EFCAB6: variants seen among roughly 807,000 people sequenced by gnomAD.
The protein encoded by EFCAB6 is EF-hand calcium binding domain 6, also known as EF-hand calcium-binding domain-containing protein 6.
In EFCAB6, 156 loss-of-function variants were observed where a neutral mutation model predicts 169.8. That is an observed-to-expected ratio of 0.92 (90% confidence interval 0.81 to 1.05). The LOEUF (loss-of-function observed/expected upper bound fraction) is 1.05, where lower values mean the gene tolerates loss of function less well. EFCAB6 is among the 50% of genes least tolerant of loss of function. EFCAB6 has a pLI of 0.00. For synonymous variants in EFCAB6, 698 were observed against 676.4 expected, an observed-to-expected ratio of 1.03 and a Z score of -0.50; for missense variants, 1,800 against 1,829.1, an observed-to-expected ratio of 0.98 and a Z score of 0.29.
intron 27 of EFCAB6, among the ~76,000 whole-genome samples, chr22:43,546,148 G>C (rs2048040095): frequency 6.6e-6 from 1 of 152,080 alleles, no homozygotes. Context: ...AAATCAGCAA[G>C]GAGCAAGATA....
At chr22:43,670,474 T>C (rs902446920) in intron 15 of EFCAB6, among the ~76,000 whole-genome samples, 1 of 152,198 alleles carries the variant, frequency 6.6e-6, no homozygotes, top group African/African-American at 2.4e-5. Context: ...AGAATCCACA[T>C]AAAGCTGTTA....
intron 27 of EFCAB6, among the ~76,000 whole-genome samples, chr22:43,547,293 T>G (rs929846374): frequency 2.0e-5 from 3 of 152,130 alleles, no homozygotes; most frequent in African/African-American, 7.2e-5. Context: ...TAAAAGCCAA[T>G]TGGCAAAAGA....
At chr22:43,755,372 TTGAC>T (rs2060918153) in intron 6 of EFCAB6, among the ~76,000 whole-genome samples, 2 of 152,380 alleles carry the variant, frequency 1.3e-5, no homozygotes, top group African/African-American at 2.4e-5. Flanking sequence ...CACTTTGAGT[TTGAC>T]TGGTTATTTT....
At chr22:43,729,466 C>T (rs1028524545) in intron 8 of EFCAB6, among the ~76,000 whole-genome samples, 1 of 151,322 alleles carries the variant, frequency 6.6e-6, no homozygotes, top group Non-Finnish European at 1.5e-5. Flanking sequence ...AGAACAAGCA[C>T]CAAAAAATTT....
At chr22:43,648,070 G>C (rs189827663) in intron 17 of EFCAB6, among the ~76,000 whole-genome samples, 9 of 152,108 alleles carry the variant, frequency 5.9e-5, no homozygotes, top group Non-Finnish European at 7.4e-5. Flanking sequence ...GTTTCCTAAG[G>C]CTGTTGTAAT....
chr22:43,618,477 C>T (rs1313339112), intron 20 of EFCAB6, among the ~76,000 whole-genome samples: 1 of 152,084 alleles, frequency 6.6e-6, no homozygotes, highest in Non-Finnish European at 1.5e-5. Context: ...AACCCAAAAT[C>T]CTACACAGAA....
At chr22:43,655,772 T>G (rs924937838) in intron 17 of EFCAB6, among the ~76,000 whole-genome samples, 6 of 151,996 alleles carry the variant, frequency 3.9e-5, no homozygotes, top group Admixed American at 3.3e-4. Context: ...AGTAACCAGA[T>G]AGTTTGAAAG....
At chr22:43,529,756 C>T (rs1023783787) in intron 31 of EFCAB6, among the ~76,000 whole-genome samples, 1 of 152,124 alleles carries the variant, frequency 6.6e-6, no homozygotes, top group Admixed American at 6.5e-5. Context: ...AAAATGTGGT[C>T]CCTGATGATT....
intron 28 of EFCAB6, among the ~76,000 whole-genome samples, chr22:43,538,472 TC>T (rs1173197928): frequency 1.3e-5 from 2 of 152,184 alleles, no homozygotes; most frequent in Non-Finnish European, 2.9e-5. Context: ...CACTGCAACC[TC>T]CGCTTCCCAG....
chr22:43,711,536 T>A lies in EFCAB6; in HGVS notation c.970A>T (p.Ile324Phe). The change falls in exon 10 of 32, where the codon ATT (isoleucine) becomes TTT (phenylalanine). Residue 324 changes from isoleucine (I) to phenylalanine (F), a missense_variant. By Grantham distance (21) the Ile-to-Phe change is conservative. Coordinates refer to ENST00000262726, the MANE Select transcript of EFCAB6 (RefSeq NM_022785.4). ...TGGTATACAAAAGTGTCGAGGACAA[T>A]CTTTAGATAATTAAAAGACACGTAG... ...GGYVSFNYLKIVLDTFVYQIP... is the reference protein window; with the variant it reads ...GGYVSFNYLKFVLDTFVYQIP... 1 of 1,605,354 alleles carries A rather than the reference T, an allele frequency of 6.2e-7. No homozygotes were observed. The highest frequency in any genetic ancestry group is 8.5e-7 in the Non-Finnish European group (1 of 1,178,054).
At chr22:43,648,489 T>C (rs1374395372) in intron 17 of EFCAB6, among the ~76,000 whole-genome samples, 1 of 152,160 alleles carries the variant, frequency 6.6e-6, no homozygotes, top group Non-Finnish European at 1.5e-5. Context: ...TTCTCACTGA[T>C]AAGTGGGAGC....
At chr22:43,800,893 G>A (rs2062685864) in intron 2 of EFCAB6, among the ~76,000 whole-genome samples, 1 of 152,152 alleles carries the variant, frequency 6.6e-6, no homozygotes, top group Non-Finnish European at 1.5e-5. Flanking sequence ...AGGGAATTGA[G>A]CAAGAGCAAG....
intron 2 of EFCAB6, among the ~76,000 whole-genome samples, chr22:43,796,036 G>A (rs1289824819): frequency 1.5e-5 from 2 of 136,250 alleles, no homozygotes; most frequent in African/African-American, 2.8e-5. Flanking sequence ...ACCCCCCACA[G>A]ACACACACAC....
chr22:43,748,852 T>A (rs1162393847), intron 6 of EFCAB6, among the ~76,000 whole-genome samples: 2 of 152,192 alleles, frequency 1.3e-5, no homozygotes, highest in Non-Finnish European at 2.9e-5. Context: ...CTGGGACATT[T>A]AACTGAAGTG....
intron 28 of EFCAB6, among the ~76,000 whole-genome samples, chr22:43,538,028 G>C (rs763261840): frequency 7.9e-5 from 12 of 151,972 alleles, no homozygotes; most frequent in Non-Finnish European, 1.6e-4. Context: ...TTAAAAACAA[G>C]GGAGTGGCTC....
chr22:43,679,846 T>C (rs2057932865), intron 12 of EFCAB6, among the ~76,000 whole-genome samples: 1 of 152,196 alleles, frequency 6.6e-6, no homozygotes, highest in Admixed American at 6.5e-5. Flanking sequence ...TGTCTTCTTA[T>C]TGAGTTGTAA....
In EFCAB6 at chr22:43,628,097, A is replaced by G. The variant is rs1278109091; in HGVS notation, c.2233-1418T>C. Among the ~76,000 whole-genome samples, 3 of 151,928 alleles carry G rather than the reference A, an allele frequency of 2.0e-5. No individual in the cohort carries two copies. Among genetic ancestry groups the G allele is most frequent in the Non-Finnish European group, 4.4e-5 (3 of 67,964 alleles). On this transcript the variant is annotated intron_variant, in intron 19 of 31. Transcript: ENST00000262726. This position sits in a 1 kb window ranked among gnomAD's most constrained non-coding sequence, Gnocchi z 4.8. ...CCAAGCCGCCACCCCCCTGACCCACAGCCTCACATCTCCAGTGGTCTGGGG... is the reference window on the plus strand; with the variant it reads ...CCAAGCCGCCACCCCCCTGACCCACGGCCTCACATCTCCAGTGGTCTGGGG...
Position 43,737,647 on chromosome 22 carries a change from ACAC to A in EFCAB6, c.508-1657_508-1655del, listed in dbSNP as rs576265027. Among the ~76,000 whole-genome samples the A allele has an allele frequency of 6.6e-4, 100 of 150,508 alleles. No individual in the cohort carries two copies. The Middle Eastern group carries it at 0.01, about 16-fold the overall frequency. ...CACATGCAGATATTCACATGCACAC[ACAC>A]CATCATTCACACACACATATATTCA... On this transcript the variant is annotated intron_variant, in intron 6 of 31. Transcript: ENST00000262726.
intron 26 of EFCAB6, among the ~76,000 whole-genome samples, chr22:43,562,637 GC>G (rs1473492290): frequency 3.2e-4 from 10 of 31,336 alleles, no homozygotes; most frequent in Non-Finnish European, 5.1e-4. Flanking sequence ...GCAGCCTGGT[GC>G]GGGGTGGGAG....
Sources: gnomAD v4.1 joint callset for allele counts (sites outside exome capture counted in the v4.1 genomes callset) on GRCh38, gnomAD v4.1.1 for gene constraint, Gnocchi (gnomAD v3.1) non-coding constraint, MANE v1.5 for transcripts, NCBI Gene and HGNC (gene_info 2026-07-23, HGNC 2026-07-21) for gene names.